RBM5: variants seen among roughly 807,000 people sequenced by gnomAD.
The protein encoded by RBM5 is RNA-binding protein 5.
In RBM5, 15 loss-of-function variants were observed where a neutral mutation model predicts 124.6. The ratio of observed to expected loss-of-function variants is 0.12; its 90% confidence interval spans 0.08 to 0.19. RBM5 has a LOEUF of 0.19. Ranked by LOEUF, RBM5 falls within the 10% of genes least tolerant of loss-of-function variation. RBM5 has a pLI of 1.00. For synonymous variants in RBM5, 337 were observed against 361.2 expected (o/e 0.93, Z 0.76); for missense variants, 580 against 1,026.5 (o/e 0.57, Z 5.94).
chr3:50,102,596 G>A (rs1284590759), intron 6 of RBM5: 5 of 153,986 alleles, frequency 3.2e-5, no homozygotes, highest in African/African-American at 9.7e-5. Context: ...GACTCATCCT[G>A]AAGCAGAAGG....
At position 50,108,277 on chromosome 3, in the gene RBM5, T is replaced by C. The variant is rs1296192370; in HGVS notation, c.1165T>C (p.Leu389=). ...QQFYQQQAGG[L]ESDASSASGT... Reference sequence around the variant, plus strand: ...GTTTTATCAACAACAAGCTGGAGGATTGGAATCTGATGCATCATCTGCATC... The same window carrying C: ...GTTTTATCAACAACAAGCTGGAGGACTGGAATCTGATGCATCATCTGCATC... Residue 389 remains leucine, a synonymous_variant, in exon 14 of 25, where the codon TTG becomes CTG. Transcript: ENST00000347869. 2.5e-6 allele frequency: 4 copies of C among 1,613,248 alleles called. No homozygotes were observed. Among genetic ancestry groups the C allele is most frequent in the Non-Finnish European group, 3.4e-6 (4 of 1,179,138 alleles).
Position 50,108,229 on chromosome 3 carries a change from C to T in RBM5, c.1120-3C>T, listed in dbSNP as rs371342266. ...GCAGCTTTAATGGTGGACTTTTCTT[C>T]AGTATTCACAGGATTATCAGCAGTT... On this transcript the variant is annotated splice_polypyrimidine_tract_variant and splice_region_variant and intron_variant, in intron 13 of 24. Coordinates refer to ENST00000347869, the MANE Select transcript of RBM5 (RefSeq NM_005778.4). 3.7e-6 allele frequency: 6 copies of T among 1,612,084 alleles called. No homozygotes were observed. Among genetic ancestry groups the T allele is most frequent in the Non-Finnish European group, 5.1e-6 (6 of 1,178,246 alleles).
intron 4 of RBM5, among the ~76,000 whole-genome samples, chr3:50,098,272 A>AT (rs1029715391): frequency 1.5e-4 from 6 of 40,582 alleles, no homozygotes; most frequent in African/African-American, 3.5e-4. Flanking sequence ...CCTTATTTTT[A>AT]TTTTTTTATT....
At chr3:50,116,691 G>A in intron 22 of RBM5, 1 of 283,306 alleles carries the variant, frequency 3.5e-6, no homozygotes, top group Non-Finnish European at 6.9e-6. Flanking sequence ...CCTTGATGTT[G>A]GAGGTATGCC....
At chr3:50,106,695 TTGAA>T in intron 10 of RBM5, 68 bp from the exon 11 acceptor site, 3 of 1,088,644 alleles carry the variant, frequency 2.8e-6, no homozygotes, top group Non-Finnish European at 4.1e-6. Context: ...AACTACTTCT[TTGAA>T]TGGGGTGGAT....
chr3:50,116,047 C>T (rs1169365670), intron 22 of RBM5, 67 bp downstream of exon 22: 2 of 1,441,808 alleles, frequency 1.4e-6, no homozygotes, highest in Non-Finnish European at 2.0e-6. Flanking sequence ...TTATTTGTAG[C>T]ATTTAGTTCC....
At position 50,109,684 on chromosome 3, in the gene RBM5, C is replaced by A; in HGVS notation, c.1274C>A (p.Ser425Tyr). The A allele has an allele frequency of 6.2e-7, 1 of 1,612,278 alleles. No homozygotes were observed. Residue 425 changes from serine (S) to tyrosine (Y), a missense_variant, in exon 15 of 25, where the codon TCT becomes TAT. Transcript: ENST00000347869. ...AATCAAACCTCCAATCCACCTGGCTCTCCGGTAATCCTGTTGTCCTATATA... is the reference window on the plus strand; with the variant it reads ...AATCAAACCTCCAATCCACCTGGCTATCCGGTAATCCTGTTGTCCTATATA... Reference protein sequence around the residue: ...LYNQTSNPPGSPTEEAQPSTS... With the variant: ...LYNQTSNPPGYPTEEAQPSTS...
chr3:50,092,666 C>A, intron 3 of RBM5: 1 of 433,966 alleles, frequency 2.3e-6, no homozygotes, highest in Non-Finnish European at 4.7e-6. Flanking sequence ...CTCAGTACAA[C>A]CTGATAAGGT....
chr3:50,118,649 TC>T lies in RBM5; in HGVS notation c.*195del. ...ATGTGGGTTGCCTGGTGAATGGCCTTCCTTCCCGCCAGAGGGCTTGTGAACA... is the reference window on the plus strand; with the variant it reads ...ATGTGGGTTGCCTGGTGAATGGCCTTCTTCCCGCCAGAGGGCTTGTGAACA... On this transcript the variant is annotated 3_prime_UTR_variant, in exon 25 of 25. Coordinates refer to ENST00000347869, the MANE Select transcript of RBM5 (RefSeq NM_005778.4). The T allele has an allele frequency of 4.9e-6, 4 of 816,044 alleles. No homozygotes were observed. Among genetic ancestry groups the T allele is most frequent in the Non-Finnish European group, 7.5e-6 (4 of 529,876 alleles). The allele number at this position is 816,044 out of a possible 1,614,324, so 50.6% of individuals were successfully genotyped here.
At chr3:50,094,645 A>AATTT (rs1220023420) in intron 4 of RBM5, among the ~76,000 whole-genome samples, 1 of 152,078 alleles carries the variant, frequency 6.6e-6, no homozygotes, top group Non-Finnish European at 1.5e-5. Flanking sequence ...ACACCCAGCT[A>AATTT]ATTTATTTTT....
chr3:50,098,533 C>G (rs1267031896), intron 4 of RBM5, among the ~76,000 whole-genome samples: 1 of 152,048 alleles, frequency 6.6e-6, no homozygotes, highest in South Asian at 2.1e-4. Context: ...ACCTCCGCCT[C>G]CCGGGGTCAA....
At chr3:50,097,943 A>G (rs1017120488) in intron 4 of RBM5, among the ~76,000 whole-genome samples, 3 of 152,026 alleles carry the variant, frequency 2.0e-5, no homozygotes, top group Non-Finnish European at 4.4e-5. Flanking sequence ...CTACTAAAAT[A>G]TAAAATATTA....
rs1393122599 is a variant in RBM5, at chr3:50,117,547, G to A, written c.2322+168G>A. The A allele has an allele frequency of 2.0e-5, 19 of 929,268 alleles. No individual in the cohort carries two copies. Among genetic ancestry groups the A allele is most frequent in the South Asian group, 5.4e-5 (3 of 56,010 alleles). 57.6% of individuals were successfully genotyped at this position (929,268 alleles called of 1,614,324 possible). On this transcript the variant is annotated intron_variant, in intron 24 of 24. Transcript: ENST00000347869. This position sits in a 1 kb window ranked among gnomAD's most constrained non-coding sequence, Gnocchi z 4.2. The stretch of plus-strand genomic sequence containing the variant: ...TGTAATCCCAGCACTTTGGGAGGCC[G>A]AGGAGGGTGGATTGCCTGAGCCCAG...
At chr3:50,097,910 G>A (rs2090853718) in intron 4 of RBM5, among the ~76,000 whole-genome samples, 1 of 152,166 alleles carries the variant, frequency 6.6e-6, no homozygotes, top group Non-Finnish European at 1.5e-5. Context: ...AGACCAGCCT[G>A]GGCAACATGG....
intron 19 of RBM5, 30 bp from the exon 20 acceptor site, chr3:50,114,150 G>A: frequency 1.2e-6 from 2 of 1,614,114 alleles, no homozygotes; most frequent in Non-Finnish European, 1.7e-6. Flanking sequence ...CCTAAAACTT[G>A]AGTCTCATGG....
intron 7 of RBM5, among the ~76,000 whole-genome samples, chr3:50,103,943 T>A (rs2090988043): frequency 1.3e-5 from 2 of 152,236 alleles, no homozygotes; most frequent in Non-Finnish European, 2.9e-5. Flanking sequence ...GGATGTATAG[T>A]GCTCTGTTGA....
At chr3:50,099,908 G>A in intron 4 of RBM5, 74 bp from the exon 5 acceptor site, 3 of 1,303,732 alleles carry the variant, frequency 2.3e-6, no homozygotes, top group Non-Finnish European at 3.2e-6. Context: ...TTAAACAGTT[G>A]ATGTAATTCC....
chr3:50,113,882 T>C, intron 18 of RBM5, 68 bp from the exon 19 acceptor site: 1 of 1,552,470 alleles, frequency 6.4e-7, no homozygotes, highest in Non-Finnish European at 8.7e-7. Flanking sequence ...GATAAGATCC[T>C]TAATGGCTCA....
Position 50,106,788 on chromosome 3 carries a change from A to G in RBM5, c.877A>G (p.Ile293Val). The part of the protein sequence containing the change: ...SAMDASQLLQ[I>V]LQSLHPPLKI... ...TCAGGATGCTTCTCAGCTGCTTCAG[A>G]TATTACAGAGTCTCCATCCTCCTTT... Residue 293 changes from isoleucine (I) to valine (V), a missense_variant, in exon 11 of 25, where the codon ATA (isoleucine) becomes GTA (valine). Physicochemically the swap from Ile to Val is conservative, Grantham distance 29. Coordinates refer to ENST00000347869, the MANE Select transcript of RBM5 (RefSeq NM_005778.4). The G allele has an allele frequency of 6.2e-7, 1 of 1,611,692 alleles. No individual in the cohort carries two copies. Among genetic ancestry groups the G allele is most frequent in the Non-Finnish European group, 8.5e-7 (1 of 1,177,840 alleles).
Sources: allele counts gnomAD v4.1 joint callset (sites outside exome capture counted in the v4.1 genomes callset), GRCh38; gene constraint gnomAD v4.1.1; non-coding constraint Gnocchi (gnomAD v3.1); transcripts MANE v1.5; gene names NCBI Gene and HGNC (gene_info 2026-07-23, HGNC 2026-07-21).